The following MBP variants were observed in gnomAD, a reference collection of about 807,000 sequenced individuals.
MBP encodes the protein myelin basic protein.
In MBP, 16 loss-of-function variants were observed where a neutral mutation model predicts 35.8. The ratio of observed to expected loss-of-function variants is 0.45; its 90% CI spans 0.30 to 0.68. MBP has a LOEUF of 0.68. Ranked by LOEUF, MBP falls within the 30% of genes least tolerant of loss-of-function variation. The pLI is 0.08. For synonymous variants in MBP, 143 were observed against 159.6 expected, an observed-to-expected ratio of 0.90 and a Z score of 0.78; for missense variants, 380 against 404.7, an observed-to-expected ratio of 0.94 and a Z score of 0.52.
At position 77,100,517 on chromosome 18, in the gene MBP, GTGTGTGTGTGT is replaced by G. The variant is rs1340637502; in HGVS notation, c.51+4683_51+4693del. Among the ~76,000 whole-genome samples the G allele has an allele frequency of 3.7e-4, 5 of 13,562 alleles. No homozygotes were observed. The Non-Finnish European group carries it at 3.8e-3, about 10-fold the overall frequency. The allele number at this position is 13,562 out of a possible 152,430, so 8.9% of individuals were successfully genotyped here. ...CCTAGATAGAATTTGGGGTGTGTGT[GTGTGTGTGTGT>G]GTGTGTGTGTGTGTGTGTTTTGTGG... On this transcript the variant is annotated intron_variant, in intron 2 of 8. Transcript: ENST00000355994.
chr18:77,038,954 GC>G (rs1470804856), intron 3 of MBP, among the ~76,000 whole-genome samples: 1 of 152,190 alleles, frequency 6.6e-6, no homozygotes, highest in Non-Finnish European at 1.5e-5. Context: ...ATGCCTCGGG[GC>G]CAAATCTGGC....
At chr18:77,119,931 C>T (rs1034479433) in intron 1 of MBP, among the ~76,000 whole-genome samples, 1 of 152,090 alleles carries the variant, frequency 6.6e-6, no homozygotes, top group African/African-American at 2.4e-5. Context: ...GGGGCAGCCA[C>T]GGGAGAGGCC....
chr18:77,072,072 G>A (rs1335777822), intron 2 of MBP, among the ~76,000 whole-genome samples: 1 of 152,132 alleles, frequency 6.6e-6, no homozygotes, highest in Non-Finnish European at 1.5e-5. Flanking sequence ...TGACGTCACA[G>A]GCGACACAGT....
At chr18:77,007,258 G>A (rs969685174) in intron 4 of MBP, among the ~76,000 whole-genome samples, 3 of 152,180 alleles carry the variant, frequency 2.0e-5, no homozygotes, top group Admixed American at 6.5e-5. Context: ...CCAAAGTACC[G>A]GAGGAAGGCA....
In MBP at chr18:76,988,993, G is replaced by T; in HGVS notation, c.682-81C>A. On this transcript the variant is annotated intron_variant, in intron 5 of 8. Transcript: ENST00000355994. The surrounding 1 kb of genome is among the most constrained non-coding windows in gnomAD (Gnocchi z 5.2). ...TTCCTAACGGGCTCCTGCCTGCTGA[G>T]GGTGGCTAGCATCCATCAGCTGCCA... 7.3e-7 allele frequency: 1 copy of T among 1,378,912 alleles called. No individual in the cohort carries two copies. The highest frequency in any genetic ancestry group is 1.0e-6 in the Non-Finnish European group (1 of 965,474). The allele number at this position is 1,378,912 out of a possible 1,614,324, so 85.4% of individuals were successfully genotyped here. A position where few individuals can be genotyped will look rare whatever the true frequency, so the allele number is the denominator to read the frequency against.
rs1009124422 is a variant in MBP at position 77,020,424 on chromosome 18, C to T, written c.140-3156G>A. On this transcript the variant is annotated intron_variant, in intron 3 of 8. Transcript: ENST00000355994. The surrounding 1 kb of genome is among the most constrained non-coding windows in gnomAD (Gnocchi z 4.1). ...CTTTCAGTAACTGCCCTGGGGTCCC[C>T]GTGACCCCTCCAGTTTCCCTGACTT... is the stretch of plus-strand genomic sequence containing the variant. Among the ~76,000 whole-genome samples, 14 of 152,174 alleles carry T rather than the reference C, an allele frequency of 9.2e-5. No individual in the cohort carries two copies. The highest frequency in any genetic ancestry group is 2.6e-4 in the Admixed American group (4 of 15,274).
At chr18:77,021,520 G>A (rs1425852329) in intron 3 of MBP, among the ~76,000 whole-genome samples, 1 of 129,932 alleles carries the variant, frequency 7.7e-6, no homozygotes, top group Non-Finnish European at 1.5e-5. Flanking sequence ...GTCTCACTCT[G>A]TCGCCCAGGT....
At chr18:77,065,280 G>A (rs1379088080) in intron 3 of MBP, among the ~76,000 whole-genome samples, 1 of 152,154 alleles carries the variant, frequency 6.6e-6, no homozygotes, top group African/African-American at 2.4e-5. Context: ...GTGCCATGAC[G>A]TGGTGGGTGG....
At chr18:77,059,933 C>T (rs557334694) in intron 3 of MBP, among the ~76,000 whole-genome samples, 1 of 152,330 alleles carries the variant, frequency 6.6e-6, no homozygotes, top group South Asian at 2.1e-4. Context: ...CAGGAACAGC[C>T]TCTTAGAAAA....
At chr18:77,088,842 A>G (rs1434321119) in intron 2 of MBP, among the ~76,000 whole-genome samples, 2 of 152,204 alleles carry the variant, frequency 1.3e-5, no homozygotes, top group African/African-American at 4.8e-5. Flanking sequence ...AGATGTCCTT[A>G]TTTGGAAACA....
At chr18:76,993,657 G>A (rs543163620) in intron 4 of MBP, among the ~76,000 whole-genome samples, 3 of 152,132 alleles carry the variant, frequency 2.0e-5, no homozygotes, top group South Asian at 4.2e-4. Flanking sequence ...GCCCTCGTTG[G>A]TTAACGATTC....
intron 4 of MBP, among the ~76,000 whole-genome samples, chr18:76,997,796 C>T (rs748860184): frequency 2.0e-5 from 3 of 151,400 alleles, no homozygotes; most frequent in Non-Finnish European, 4.4e-5. Flanking sequence ...CACTCTCCTG[C>T]CTCAACCTCC....
At chr18:77,022,715 A>T (rs1265363661) in intron 3 of MBP, among the ~76,000 whole-genome samples, 1 of 152,234 alleles carries the variant, frequency 6.6e-6, no homozygotes, top group African/African-American at 2.4e-5. Context: ...ACATCTGAAT[A>T]CTAATATTTT....
chr18:77,106,151 C>G (rs1343179506), intron 1 of MBP, among the ~76,000 whole-genome samples: 1 of 152,184 alleles, frequency 6.6e-6, no homozygotes, highest in Non-Finnish European at 1.5e-5. Flanking sequence ...TACCCATTCT[C>G]CTGTAGAACC....
intron 3 of MBP, among the ~76,000 whole-genome samples, chr18:77,040,787 G>C (rs1044589844): frequency 1.1e-4 from 17 of 152,106 alleles, no homozygotes; most frequent in Non-Finnish European, 2.2e-4. Flanking sequence ...AATTCAAGAT[G>C]GATTAAAGAC....
intron 1 of MBP, among the ~76,000 whole-genome samples, chr18:77,111,480 G>A (rs1976448161): frequency 6.6e-6 from 1 of 152,256 alleles, no homozygotes. Context: ...TTGTAGAGAC[G>A]CTAAAGGCCA....
chr18:76,987,731 AAATTATAACTTTTATACAGTAAG>A, intron 7 of MBP: 1 of 996,202 alleles, frequency 1.0e-6, no homozygotes, highest in Non-Finnish European at 1.2e-6. Context: ...TTTTATTCTA[AAATTATAACTTTTATACAGTAAG>A]AATCATATCT....
intron 2 of MBP, among the ~76,000 whole-genome samples, chr18:77,081,853 T>TGCACAC (rs1599206513): frequency 6.3e-5 from 1 of 15,846 alleles, no homozygotes; most frequent in African/African-American, 1.4e-4. Context: ...TATATATATA[T>TGCACAC]ATATTTTTTT....
chr18:77,128,072 A>T (rs1977115447), intron 1 of MBP: 1 of 152,230 alleles, frequency 6.6e-6, no homozygotes, highest in African/African-American at 2.4e-5. Context: ...GTTCACACAA[A>T]AACCTGTACA....
Sources: gnomAD v4.1 joint callset for allele counts (sites outside exome capture counted in the v4.1 genomes callset) on GRCh38, gnomAD v4.1.1 for gene constraint, Gnocchi (gnomAD v3.1) non-coding constraint, MANE v1.5 for transcripts, NCBI Gene and HGNC (gene_info 2026-07-23, HGNC 2026-07-21) for gene names.